Variants in PCLAF observed in about 807,000 individuals in gnomAD.
The protein encoded by PCLAF is PCNA-associated factor.
A neutral mutation model predicts 15.1 loss-of-function variants in PCLAF; 12 were observed. That is an observed-to-expected ratio of 0.79 (90% confidence interval 0.51 to 1.29). The LOEUF (loss-of-function observed/expected upper bound fraction) is 1.29, where lower values mean the gene tolerates loss of function less well. Among genes scored for constraint, PCLAF ranks in the 50% most tolerant of loss-of-function variants. The probability of loss-of-function intolerance (pLI) is 0.00; values close to 1 mark genes in which losing one functional copy is unlikely to be tolerated. For missense variants in PCLAF, 116 were observed against 130.9 expected, an observed-to-expected ratio of 0.89 and a Z score of 0.56; for synonymous variants, 33 against 47.1, an observed-to-expected ratio of 0.70 and a Z score of 1.22.
In PCLAF at chr15:64,373,827, T is replaced by G. The variant is rs529174586; in HGVS notation, c.290+2916A>C. 4.6e-4 allele frequency: 684 copies of G among 1,477,222 alleles called. 1 individual carries two copies. The highest frequency in any genetic ancestry group is 6.0e-4 in the Non-Finnish European group (657 of 1,098,154). The allele number at this position is 1,477,222 out of a possible 1,614,324, so 91.5% of individuals were successfully genotyped here. A position where few individuals can be genotyped will look rare whatever the true frequency, so the allele number is the denominator to read the frequency against. ...AAGGGGCATCATAATGGCAGTGACA[T>G]CACTCCCTTTCCTCCTACATCCAGA... On this transcript the variant is annotated intron_variant, in intron 3 of 3. Coordinates refer to ENST00000300035, the MANE Select transcript of PCLAF (RefSeq NM_014736.6).
intron 1 of PCLAF, chr15:64,387,314 G>A (rs988557494): frequency 2.8e-5 from 10 of 352,256 alleles, no homozygotes; most frequent in Non-Finnish European, 4.1e-5. Flanking sequence ...CCCGGGAGGC[G>A]GAGCTTGCAG....
At chr15:64,382,817 TA>T, upstream of PCLAF, 2 of 276,806 alleles carry the variant, frequency 7.2e-6, no homozygotes, top group South Asian at 3.3e-5. Context: ...TCTACTAAAA[TA>T]AAAATAAAAA....
intron 3 of PCLAF, among the ~76,000 whole-genome samples, chr15:64,373,939 G>A (rs887171243): frequency 6.6e-5 from 10 of 151,846 alleles, no homozygotes; most frequent in Non-Finnish European, 5.9e-5. Flanking sequence ...GGCAGATTTC[G>A]AATCTTTTTT....
chr15:64,371,045 T>C (rs1356610508), intron 3 of PCLAF, among the ~76,000 whole-genome samples: 1 of 148,638 alleles, frequency 6.7e-6, no homozygotes, highest in Non-Finnish European at 1.5e-5. Flanking sequence ...CTCGGCTCAC[T>C]GCAAGCTCCG....
chr15:64,376,843 C>T lies in PCLAF; in HGVS notation c.190G>A (p.Gly64Arg). The stretch of plus-strand genomic sequence containing the variant: ...GACAACCTAAAGAATTCTCCAATTC[C>T]TTTTTGCCACTTGGGAGTTGGGCGC... ...CVRPTPKWQK[G>R]IGEFFRLSPK... Residue 64 changes from glycine to arginine, a missense_variant, in exon 3 of 4, where the codon GGA (glycine) becomes AGA (arginine). By Grantham distance (125) the Gly-to-Arg change is moderately radical. Coordinates refer to ENST00000300035, the MANE Select transcript of PCLAF (RefSeq NM_014736.6). 3.1e-6 allele frequency: 5 copies of T among 1,613,818 alleles called. No individual in the cohort carries two copies. The highest frequency in any genetic ancestry group is 4.2e-6 in the Non-Finnish European group (5 of 1,179,858).
At chr15:64,385,517 C>T (rs1045366386), upstream of PCLAF, among the ~76,000 whole-genome samples, 16 of 151,678 alleles carry the variant, frequency 1.1e-4, no homozygotes, top group Non-Finnish European at 1.5e-4. Flanking sequence ...CCCAGCTACT[C>T]GGGAAGCTAA....
Position 64,372,520 on chromosome 15 carries a change from G to A in PCLAF, c.290+4223C>T, listed in dbSNP as rs574865124. Among the ~76,000 whole-genome samples, 6 of 152,236 alleles carry A rather than the reference G, an allele frequency of 3.9e-5. No homozygotes were observed. The East Asian group carries it at 7.7e-4, about 20-fold the overall frequency. The stretch of plus-strand genomic sequence containing the variant: ...TCCCAGCTGCTGGGGAGGCTGAGGC[G>A]GGAGAATGGCATGAACCCAGGAGGC... On this transcript the variant is annotated intron_variant, in intron 3 of 3. Transcript: ENST00000300035.
rs769742010 is a variant in PCLAF at position 64,381,389 on chromosome 15, G to A, written c.-18C>T. 1.9e-6 allele frequency: 3 copies of A among 1,614,130 alleles called. No individual in the cohort carries two copies. The highest frequency in any genetic ancestry group is 2.5e-6 in the Non-Finnish European group (3 of 1,179,996). ...CGCACCATGTTCAAACAAGAAGAGAGGAGAGGAGAGAACGAACTGACTTCC... is the reference window on the plus strand; with the variant it reads ...CGCACCATGTTCAAACAAGAAGAGAAGAGAGGAGAGAACGAACTGACTTCC... On this transcript the variant is annotated 5_prime_UTR_variant, in exon 1 of 4. Transcript: ENST00000300035.
At chr15:64,367,572 G>A (rs1005581408) in intron 3 of PCLAF, among the ~76,000 whole-genome samples, 123 of 151,038 alleles carry the variant, frequency 8.1e-4, no homozygotes, top group African/African-American at 2.7e-3. Flanking sequence ...TTTTTGAGAC[G>A]GAGTCTCGCT....
chr15:64,367,259 T>C (rs957861819), intron 3 of PCLAF, among the ~76,000 whole-genome samples: 1 of 152,080 alleles, frequency 6.6e-6, no homozygotes, highest in African/African-American at 2.4e-5. Flanking sequence ...ATCTCAGCAC[T>C]TCGGGAGGCC....
At chr15:64,367,852 T>G (rs181773004) in intron 3 of PCLAF, among the ~76,000 whole-genome samples, 120 of 151,496 alleles carry the variant, frequency 7.9e-4, no homozygotes, top group Non-Finnish European at 1.5e-3. Context: ...CCAGCCTCAT[T>G]ACACTTTTTA....
intron 3 of PCLAF, among the ~76,000 whole-genome samples, chr15:64,370,017 G>C (rs1190022512): frequency 6.6e-6 from 1 of 151,854 alleles, no homozygotes; most frequent in East Asian, 1.9e-4. Context: ...GGCCATATGG[G>C]ATACAGGAAC....
At position 64,377,518 on chromosome 15, in the gene PCLAF, T is replaced by A. The variant is rs1310386499; in HGVS notation, c.128-613A>T. On this transcript the variant is annotated intron_variant, in intron 2 of 3. Transcript: ENST00000300035. Reference sequence around the variant, plus strand: ...ATATATATATATATATATATATATATATATATATATATATATATATTCTTG... The same window carrying A: ...ATATATATATATATATATATATATAAATATATATATATATATATATTCTTG... 2.4e-3 allele frequency among the ~76,000 whole-genome samples: 218 copies of A among 90,230 alleles called. 21 individuals are homozygous for A. The highest frequency in any genetic ancestry group is 6.0e-3 in the African/African-American group (138 of 23,038). 59.2% of individuals were successfully genotyped at this position (90,230 alleles called of 152,430 possible).
chr15:64,387,515 C>G, exon 1 of PCLAF: 1 of 1,305,566 alleles, frequency 7.7e-7, no homozygotes, highest in Non-Finnish European at 9.9e-7. Flanking sequence ...AAGCTGGCCT[C>G]TCAGCTTTCC....
Position 64,381,404 on chromosome 15 carries a change from A to T in PCLAF, c.-33T>A, listed in dbSNP as rs11554319. 1.2e-6 allele frequency: 2 copies of T among 1,614,140 alleles called. No individual in the cohort carries two copies. The highest frequency in any genetic ancestry group is 2.2e-5 in the South Asian group (2 of 91,082). On this transcript the variant is annotated 5_prime_UTR_variant, in exon 1 of 4. Coordinates refer to ENST00000300035, the MANE Select transcript of PCLAF (RefSeq NM_014736.6). ...CAAGAAGAGAGGAGAGGAGAGAACG[A>T]ACTGACTTCCCAGCCGAGGGTGTTT...
At chr15:64,386,628 GTGTGTGTGTGTGTGTGTGTT>G (rs1201467854) in intron 1 of PCLAF, among the ~76,000 whole-genome samples, 1 of 151,712 alleles carries the variant, frequency 6.6e-6, no homozygotes, top group Non-Finnish European at 1.5e-5. Context: ...CAGTGTGTGT[GTGTGTGTGTGTGTGTGTGTT>G]TGTGTGTGTG....
intron 1 of PCLAF, among the ~76,000 whole-genome samples, chr15:64,387,188 C>G (rs1261222123): frequency 1.3e-5 from 2 of 151,840 alleles, no homozygotes; most frequent in Non-Finnish European, 2.9e-5. Flanking sequence ...CACTCCATCC[C>G]GGTTAACACG....
At chr15:64,370,259 T>C (rs2414848) in intron 3 of PCLAF, among the ~76,000 whole-genome samples, 1 of 147,988 alleles carries the variant, frequency 6.8e-6, no homozygotes, top group Non-Finnish European at 1.5e-5. Flanking sequence ...TTTTTTTTTT[T>C]TTTTTGTGTA....
rs573894198 is a variant in PCLAF, at chr15:64,375,599, C to A, written c.290+1144G>T. ...GTAGAGAAGGGGTTTCACCATGTTGCCCAGGCTGGTCTGGAACTCCTGAGC... is the reference window on the plus strand; with the variant it reads ...GTAGAGAAGGGGTTTCACCATGTTGACCAGGCTGGTCTGGAACTCCTGAGC... On this transcript the variant is annotated intron_variant, in intron 3 of 3. Transcript: ENST00000300035. 9.9e-5 allele frequency among the ~76,000 whole-genome samples: 15 copies of A among 152,162 alleles called. No homozygotes were observed. In the South Asian group the frequency reaches 1.2e-3, roughly 13 times the overall value.
Sources: gnomAD v4.1 joint callset for allele counts (sites outside exome capture counted in the v4.1 genomes callset) on GRCh38, gnomAD v4.1.1 for gene constraint, MANE v1.5 for transcripts, NCBI Gene and HGNC (gene_info 2026-07-23, HGNC 2026-07-21) for gene names.